ANKH: variants seen among roughly 807,000 people sequenced by gnomAD.
ANKH encodes the protein mineralization regulator ANKH.
A neutral mutation model predicts 49.0 loss-of-function variants in ANKH; 15 were observed. That is an observed-to-expected ratio of 0.31 (90% confidence interval 0.20 to 0.47). The LOEUF (loss-of-function observed/expected upper bound fraction) is 0.47. Ranked by LOEUF, ANKH falls within the 20% of genes least tolerant of loss-of-function variation. ANKH has a pLI of 1.00. For missense variants in ANKH, 429 were observed against 652.0 expected, an observed-to-expected ratio of 0.66 and a Z score of 3.72; for synonymous variants, 273 against 260.0, an observed-to-expected ratio of 1.05 and a Z score of -0.48.
In ANKH at chr5:14,737,635, C is replaced by T. The variant is rs1247298669; in HGVS notation, c.1011+4192G>A. ...GCATGGCGAGGCTGCGACGCAGTCT[C>T]CTTTGCGTGGCTGCAACCCTGCACG... On this transcript the variant is annotated intron_variant, in intron 8 of 11. Transcript: ENST00000284268. This position sits in a 1 kb window ranked among gnomAD's most constrained non-coding sequence, Gnocchi z 5.0. Among the ~76,000 whole-genome samples the T allele has an allele frequency of 3.3e-5, 5 of 152,242 alleles. No individual in the cohort carries two copies. The highest frequency in any genetic ancestry group is 3.3e-4 in the Admixed American group (5 of 15,294).
chr5:14,858,720 A>G (rs1427034968), intron 1 of ANKH, among the ~76,000 whole-genome samples: 1 of 32,010 alleles, frequency 3.1e-5, no homozygotes, highest in Admixed American at 4.9e-4. Flanking sequence ...CATCTCAATA[A>G]ATAAATAAAT....
intron 7 of ANKH, among the ~76,000 whole-genome samples, chr5:14,742,468 G>A (rs767238022): frequency 8.5e-5 from 13 of 152,276 alleles, no homozygotes; most frequent in Admixed American, 3.3e-4. Context: ...TGACACACCT[G>A]GTGCTTTTGT....
chr5:14,816,445 G>A (rs1741041537), intron 1 of ANKH, among the ~76,000 whole-genome samples: 1 of 152,114 alleles, frequency 6.6e-6, no homozygotes, highest in African/African-American at 2.4e-5. Flanking sequence ...TGTAGCATCA[G>A]AGAGTGACTT....
At chr5:14,825,766 A>G (rs754349674) in intron 1 of ANKH, among the ~76,000 whole-genome samples, 5 of 152,254 alleles carry the variant, frequency 3.3e-5, no homozygotes, top group Non-Finnish European at 5.9e-5. Context: ...ATCTCTTAAG[A>G]AAATAAGTGC....
At position 14,749,170 on chromosome 5, in the gene ANKH, A is replaced by G; in HGVS notation, c.822+2T>C. 1 of 1,613,828 alleles carries G rather than the reference A, an allele frequency of 6.2e-7. No homozygotes were observed. Among genetic ancestry groups the G allele is most frequent in the Non-Finnish European group, 8.5e-7 (1 of 1,179,844 alleles). On this transcript the variant is annotated splice_donor_variant, in intron 6 of 11. Transcript: ENST00000284268. LOFTEE classifies it high-confidence loss of function. The stretch of plus-strand genomic sequence containing the variant: ...GCCCCACATCCCCAAAGCATGGCCC[A>G]CCTCTGTGGCTGCAGAACTGCCACC...
chr5:14,721,657 C>T (rs10078335), intron 8 of ANKH, among the ~76,000 whole-genome samples: 9,689 of 152,116 alleles, frequency 0.064, 316 homozygotes, highest in Non-Finnish European at 0.069. Context: ...GTGAGCTGGG[C>T]GTGGTGGCTC....
chr5:14,749,337 T>C (rs922048155), intron 5 of ANKH, 31 bp from the exon 6 acceptor site: 1 of 1,613,412 alleles, frequency 6.2e-7, no homozygotes. Context: ...AAAAGTTACC[T>C]GAACTCTAGA....
intron 1 of ANKH, among the ~76,000 whole-genome samples, chr5:14,825,491 A>G (rs1008755799): frequency 3.3e-5 from 5 of 152,212 alleles, no homozygotes; most frequent in African/African-American, 1.2e-4. Flanking sequence ...AGCTGAGACT[A>G]CAGGTGTGCA....
In ANKH at chr5:14,718,963, CAGG is replaced by C. The variant is rs562488506; in HGVS notation, c.1012-2131_1012-2129del. ...AGGATGAAGGCATGCAAATGAAGCACAGGAGAAGAGAGTTAAAGAAACAAAGTC... is the reference window on the plus strand; with the variant it reads ...AGGATGAAGGCATGCAAATGAAGCACAGAAGAGAGTTAAAGAAACAAAGTC... On this transcript the variant is annotated intron_variant, in intron 8 of 11. Coordinates refer to ENST00000284268, the MANE Select transcript of ANKH (RefSeq NM_054027.6). Among the ~76,000 whole-genome samples, 449 of 151,866 alleles carry C rather than the reference CAGG, an allele frequency of 3.0e-3. 5 individuals carry two copies. Among genetic ancestry groups the C allele is most frequent in the African/African-American group, 0.01 (425 of 41,394 alleles).
At chr5:14,833,799 C>T (rs189221417) in intron 1 of ANKH, among the ~76,000 whole-genome samples, 1 of 152,162 alleles carries the variant, frequency 6.6e-6, no homozygotes, top group South Asian at 2.1e-4. Flanking sequence ...CCTTATGGAC[C>T]ATTTCTTTAC....
intron 1 of ANKH, among the ~76,000 whole-genome samples, chr5:14,802,633 T>C (rs1740597682): frequency 6.6e-6 from 1 of 151,872 alleles, no homozygotes. Context: ...CCTCCTCTTC[T>C]CCATTCTAGA....
chr5:14,760,100 G>C (rs954169810), intron 2 of ANKH, among the ~76,000 whole-genome samples: 5 of 152,156 alleles, frequency 3.3e-5, no homozygotes, highest in Non-Finnish European at 7.3e-5. Context: ...TTCCAGGCAG[G>C]GTAGAGGTGA....
chr5:14,837,198 C>T (rs1306742278), intron 1 of ANKH, among the ~76,000 whole-genome samples: 1 of 152,188 alleles, frequency 6.6e-6, no homozygotes, highest in Non-Finnish European at 1.5e-5. Flanking sequence ...CCATTCAGGA[C>T]ATAGGCATGG....
Position 14,711,113 on chromosome 5 carries a change from CAA to C in ANKH, c.*82_*83del. 8.2e-7 allele frequency: 1 copy of C among 1,226,686 alleles called. No individual in the cohort carries two copies. The highest frequency in any genetic ancestry group is 1.2e-6 in the Non-Finnish European group (1 of 829,372). 76.0% of individuals were successfully genotyped at this position (1,226,686 alleles called of 1,614,324 possible). ...CCAAAACAAAACAAAAAAAAGGGAA[CAA>C]AATACGATGGGAGAGGGAAGAGATG... On this transcript the variant is annotated 3_prime_UTR_variant, in exon 12 of 12. Coordinates refer to ENST00000284268, the MANE Select transcript of ANKH (RefSeq NM_054027.6).
At chr5:14,766,479 T>A (rs1348502082) in intron 2 of ANKH, among the ~76,000 whole-genome samples, 1 of 152,110 alleles carries the variant, frequency 6.6e-6, no homozygotes. Context: ...AATGACTCAA[T>A]CCATGAGGCC....
chr5:14,787,990 T>A (rs1350641486), intron 1 of ANKH: 1 of 152,212 alleles, frequency 6.6e-6, no homozygotes, highest in African/African-American at 2.4e-5. Context: ...TTTTTTGGAC[T>A]TCAGCACCTA....
chr5:14,814,302 A>G (rs1284070769), intron 1 of ANKH, among the ~76,000 whole-genome samples: 1 of 152,230 alleles, frequency 6.6e-6, no homozygotes, highest in Non-Finnish European at 1.5e-5. Flanking sequence ...AATAGCAGGT[A>G]TTTAAAAATG....
At chr5:14,791,811 A>G (rs1740175747) in intron 1 of ANKH, among the ~76,000 whole-genome samples, 1 of 152,172 alleles carries the variant, frequency 6.6e-6, no homozygotes, top group South Asian at 2.1e-4. Flanking sequence ...TACTCCAGCA[A>G]ACCTCTGCCA....
At chr5:14,809,666 G>A (rs1309594779) in intron 1 of ANKH, among the ~76,000 whole-genome samples, 3 of 152,206 alleles carry the variant, frequency 2.0e-5, no homozygotes, top group Admixed American at 2.0e-4. Context: ...CCTTTCTGCA[G>A]GTATGAAATG....
Sources: gnomAD v4.1 joint callset for allele counts (sites outside exome capture counted in the v4.1 genomes callset) on GRCh38, gnomAD v4.1.1 for gene constraint, Gnocchi (gnomAD v3.1) non-coding constraint, MANE v1.5 for transcripts, NCBI Gene and HGNC (gene_info 2026-07-23, HGNC 2026-07-21) for gene names.